Variants in FNDC3A observed in about 807,000 individuals in gnomAD.
FNDC3A encodes the protein fibronectin type III domain containing 3A, also known as fibronectin type-III domain-containing protein 3A.
FNDC3A carries 32 observed loss-of-function variants against 148.9 expected under a neutral mutation model. The observed-to-expected ratio is 0.21, with a 90% CI of 0.16 to 0.29. The LOEUF is 0.29. Ranked by LOEUF, FNDC3A falls within the 10% of genes least tolerant of loss-of-function variation. The pLI, the probability that FNDC3A is intolerant of heterozygous loss-of-function variation, is 1.00. For missense variants in FNDC3A, 1,191 were observed against 1,452.8 expected (o/e 0.82, Z 2.93); for synonymous variants, 472 against 473.6 (o/e 1.00, Z 0.04).
intron 3 of FNDC3A, among the ~76,000 whole-genome samples, chr13:49,081,664 C>G (rs1321046578): frequency 6.6e-6 from 1 of 152,146 alleles, no homozygotes; most frequent in Non-Finnish European, 1.5e-5. Context: ...CATATATAGT[C>G]TCTAATTACA....
chr13:49,088,287 C>T (rs191928446), intron 3 of FNDC3A, among the ~76,000 whole-genome samples: 7 of 152,228 alleles, frequency 4.6e-5, no homozygotes, highest in Non-Finnish European at 7.4e-5. Flanking sequence ...TTTTCTACTA[C>T]GTGTGTTTTT....
At chr13:49,005,456 G>A (rs969608529) in intron 1 of FNDC3A, among the ~76,000 whole-genome samples, 2 of 151,614 alleles carry the variant, frequency 1.3e-5, no homozygotes, top group African/African-American at 2.4e-5. Flanking sequence ...TTTTCTTTTT[G>A]TATGTGATAT....
rs149959368 is a variant in FNDC3A, at chr13:49,198,528, A to G, written c.2941A>G (p.Thr981Ala). Residue 981 changes from threonine (T) to alanine (A), a missense_variant, in exon 23 of 26, where the codon ACC becomes GCC. Physicochemically the swap from Thr to Ala is moderately conservative, Grantham distance 58. Coordinates refer to ENST00000492622, the MANE Select transcript of FNDC3A (RefSeq NM_001079673.2). Reference sequence around the variant, plus strand: ...AGAAGGAACTCCAAAGACATTGTCAACCGATTCTATTCAGTACCACCTTCA... The same window carrying G: ...AGAAGGAACTCCAAAGACATTGTCAGCCGATTCTATTCAGTACCACCTTCA... ...WGEGTPKTLS[T>A]DSIQYHLQME... 33 of 1,614,084 alleles carry G rather than the reference A, an allele frequency of 2.0e-5. No individual in the cohort carries two copies. In the Admixed American group the frequency reaches 3.5e-4, roughly 17 times the overall value.
At chr13:49,062,933 A>G (rs1188514151) in intron 2 of FNDC3A, among the ~76,000 whole-genome samples, 1 of 152,162 alleles carries the variant, frequency 6.6e-6, no homozygotes, top group Non-Finnish European at 1.5e-5. Context: ...ATTTCCCTGG[A>G]TATTTTAACT....
In FNDC3A at chr13:49,127,975, G is replaced by A. The variant is rs548818889; in HGVS notation, c.253-3162G>A. On this transcript the variant is annotated intron_variant, in intron 4 of 25. Coordinates refer to ENST00000492622, the MANE Select transcript of FNDC3A (RefSeq NM_001079673.2). The stretch of plus-strand genomic sequence containing the variant: ...CGGCTCACTGCAACCTCTGCCTCCC[G>A]GGTTCAAACGATTCTCTTGCCTCAG... Among the ~76,000 whole-genome samples the A allele has an allele frequency of 3.9e-5, 6 of 152,020 alleles. No individual in the cohort carries two copies. In the East Asian group the frequency reaches 7.7e-4, roughly 20 times the overall value.
At chr13:49,096,889 G>T (rs2137828994) in intron 3 of FNDC3A, among the ~76,000 whole-genome samples, 1 of 152,188 alleles carries the variant, frequency 6.6e-6, no homozygotes, top group African/African-American at 2.4e-5. Context: ...TGAAGAAGTA[G>T]AAGTTAGCCA....
In FNDC3A at chr13:49,207,842, C is replaced by A. The variant is rs1229860348; in HGVS notation, c.*447C>A. ...ATGTTAAAGTCTGATGCTGTGAAAG[C>A]AATCTAGTGCTATATTTCTACCTCC... is the stretch of plus-strand genomic sequence containing the variant. On this transcript the variant is annotated 3_prime_UTR_variant, in exon 26 of 26. Coordinates refer to ENST00000492622, the MANE Select transcript of FNDC3A (RefSeq NM_001079673.2). 6.5e-6 allele frequency: 1 copy of A among 153,802 alleles called. No individual in the cohort carries two copies. Among genetic ancestry groups the A allele is most frequent in the Non-Finnish European group, 1.5e-5 (1 of 68,938 alleles). The allele number at this position is 153,802 out of a possible 1,614,324, so 9.5% of individuals were successfully genotyped here. A position where few individuals can be genotyped will look rare whatever the true frequency, so the allele number is the denominator to read the frequency against.
Position 49,088,541 on chromosome 13 carries a change from A to G in FNDC3A, c.175+13177A>G, listed in dbSNP as rs545766124. Among the ~76,000 whole-genome samples the G allele has an allele frequency of 7.2e-5, 11 of 152,318 alleles. No homozygotes were observed. The South Asian group carries it at 8.3e-4, about 11-fold the overall frequency. On this transcript the variant is annotated intron_variant, in intron 3 of 25. Coordinates refer to ENST00000492622, the MANE Select transcript of FNDC3A (RefSeq NM_001079673.2). ...TCTGTGTAGCCAGAATGAGTGGTCAATTCTCACTTCTCATCATACTTGACC... is the reference window on the plus strand; with the variant it reads ...TCTGTGTAGCCAGAATGAGTGGTCAGTTCTCACTTCTCATCATACTTGACC...
At chr13:49,141,800 A>G (rs889954331) in intron 7 of FNDC3A, among the ~76,000 whole-genome samples, 2 of 152,112 alleles carry the variant, frequency 1.3e-5, no homozygotes, top group South Asian at 2.1e-4. Flanking sequence ...TAAAGGAGCT[A>G]TTTTCATTTT....
intron 2 of FNDC3A, 71 bp from the exon 3 acceptor site, chr13:49,075,216 GCT>G (rs1432966088): frequency 1.2e-6 from 1 of 846,456 alleles, no homozygotes; most frequent in Non-Finnish European, 2.0e-6. Context: ...GCTTATATCT[GCT>G]CTGTTACTAT....
chr13:49,004,642 T>C (rs1166446969), intron 1 of FNDC3A, among the ~76,000 whole-genome samples: 1 of 152,130 alleles, frequency 6.6e-6, no homozygotes, highest in East Asian at 1.9e-4. Flanking sequence ...TGTATTTTCA[T>C]TGTTACATTC....
chr13:48,985,174 A>G (rs1028024728), intron 1 of FNDC3A, among the ~76,000 whole-genome samples: 8 of 152,236 alleles, frequency 5.3e-5, no homozygotes, highest in Non-Finnish European at 1.2e-4. Context: ...TTCAAGGTAT[A>G]TAAGGTGTAC....
At chr13:49,160,323 G>A (rs748789754) in intron 8 of FNDC3A, among the ~76,000 whole-genome samples, 7 of 151,932 alleles carry the variant, frequency 4.6e-5, no homozygotes, top group Admixed American at 6.6e-5. Context: ...TCAGGGATTC[G>A]ACTTCTTCCT....
chr13:49,124,208 G>A (rs1211571326), intron 4 of FNDC3A, among the ~76,000 whole-genome samples: 1 of 152,132 alleles, frequency 6.6e-6, no homozygotes, highest in Non-Finnish European at 1.5e-5. Flanking sequence ...GGATGAAGCT[G>A]GAAACCATCA....
intron 7 of FNDC3A, among the ~76,000 whole-genome samples, chr13:49,145,373 T>G (rs1450239288): frequency 6.6e-6 from 1 of 152,248 alleles, no homozygotes; most frequent in Non-Finnish European, 1.5e-5. Flanking sequence ...TTTTATATGT[T>G]GTCCATTTAT....
At chr13:49,134,074 A>G (rs1303621219) in intron 5 of FNDC3A, among the ~76,000 whole-genome samples, 3 of 152,192 alleles carry the variant, frequency 2.0e-5, no homozygotes, top group South Asian at 2.1e-4. Flanking sequence ...ATGCAACTCA[A>G]TGTTTTCTAT....
At chr13:49,119,005 C>T (rs557983352) in intron 4 of FNDC3A, among the ~76,000 whole-genome samples, 36 of 152,332 alleles carry the variant, frequency 2.4e-4, no homozygotes, top group African/African-American at 8.4e-4. Context: ...CCAAGCTCTG[C>T]TAAGGGACAC....
chr13:49,194,898 TA>T (rs1886075386), intron 19 of FNDC3A, among the ~76,000 whole-genome samples: 1 of 152,106 alleles, frequency 6.6e-6, no homozygotes, highest in African/African-American at 2.4e-5. Flanking sequence ...AAAGTTGATA[TA>T]ATTAAAGTGA....
In FNDC3A at chr13:49,137,188, T is replaced by C. The variant is rs142534341; in HGVS notation, c.760+587T>C. On this transcript the variant is annotated intron_variant, in intron 6 of 25. Coordinates refer to ENST00000492622, the MANE Select transcript of FNDC3A (RefSeq NM_001079673.2). ...GTAAAACCTTGATAGCAAATAGTTATATCATTTACTAATCTCTCTATATAC... is the reference window on the plus strand; with the variant it reads ...GTAAAACCTTGATAGCAAATAGTTACATCATTTACTAATCTCTCTATATAC... 3.4e-3 allele frequency among the ~76,000 whole-genome samples: 512 copies of C among 152,292 alleles called. 1 individual carries two copies. Among genetic ancestry groups the C allele is most frequent in the Middle Eastern group, 0.02 (6 of 294 alleles).
Sources: allele counts gnomAD v4.1 joint callset (sites outside exome capture counted in the v4.1 genomes callset), GRCh38; gene constraint gnomAD v4.1.1; transcripts MANE v1.5; gene names NCBI Gene and HGNC (gene_info 2026-07-23, HGNC 2026-07-21).